Variants in NOD2 observed in about 807,000 individuals in gnomAD.
NOD2 encodes nucleotide binding oligomerization domain containing 2.
In NOD2, 86 loss-of-function variants were observed where a neutral mutation model predicts 90.9. That is an observed-to-expected ratio of 0.95 (90% CI 0.79 to 1.13). The LOEUF (loss-of-function observed/expected upper bound fraction) is 1.13, where lower values mean the gene tolerates loss of function less well. NOD2 is among the 50% of genes most tolerant of loss of function. The pLI, the probability that NOD2 is intolerant of heterozygous loss-of-function variation, is 0.00. For missense variants in NOD2, 1,238 were observed against 1,283.8 expected (o/e 0.96, Z 0.55); for synonymous variants, 581 against 554.6 (o/e 1.05, Z -0.67).
chr16:50,730,060 TC>T, intron 11 of NOD2, 159 bp downstream of exon 11: 1 of 628,924 alleles, frequency 1.6e-6, no homozygotes, highest in Non-Finnish European at 2.9e-6. Context: ...TGATTCTCTG[TC>T]TAAGAAAGAA....
At chr16:50,721,366 G>GT (rs34103974) in intron 7 of NOD2, among the ~76,000 whole-genome samples, 85 of 143,236 alleles carry the variant, frequency 5.9e-4, no homozygotes, top group Middle Eastern at 3.7e-3. Context: ...AACTTGCTTG[G>GT]TTTTTTTTTT....
intron 1 of NOD2, among the ~76,000 whole-genome samples, chr16:50,696,827 G>C (rs893177067): frequency 2.0e-5 from 3 of 152,240 alleles, no homozygotes; most frequent in African/African-American, 7.2e-5. Flanking sequence ...TCCGAGTCAC[G>C]TGGCTTGGGC....
intron 4 of NOD2, 93 bp downstream of exon 4, chr16:50,712,466 C>A: frequency 1.3e-6 from 2 of 1,539,066 alleles, no homozygotes; most frequent in South Asian, 1.1e-5. Context: ...AGTCTGGGCC[C>A]AGCTTCGCCT....
chr16:50,693,629 G>A lies in NOD2; in HGVS notation c.-42G>A, dbSNP rs1963509438. 2 of 152,796 alleles carry A rather than the reference G, an allele frequency of 1.3e-5. No homozygotes were observed. The highest frequency in any genetic ancestry group is 2.9e-5 in the Non-Finnish European group (2 of 68,156). The allele number at this position is 152,796 out of a possible 1,614,324, so 9.5% of individuals were successfully genotyped here. A position where few individuals can be genotyped will look rare whatever the true frequency, so the allele number is the denominator to read the frequency against. ...CCGGAGCCGGGAGTCGTGGCCCGGA[G>A]TGGGCCTTGGAGTCGGCGCGCAGGC... On this transcript the variant is annotated 5_prime_UTR_variant, in exon 1 of 12. The change creates a new upstream start codon in the 5' untranslated region. Coordinates refer to ENST00000647318, the MANE Select transcript of NOD2 (RefSeq NM_001370466.1).
chr16:50,712,498 C>G, intron 4 of NOD2, 125 bp downstream of exon 4: 2 of 1,156,714 alleles, frequency 1.7e-6, no homozygotes, highest in South Asian at 2.5e-5. Context: ...CTTTGCAACA[C>G]TGCCCAGATC....
rs1964487483 is a variant in NOD2 at position 50,711,360 on chromosome 16, C to T, written c.1368C>T (p.Cys456=). 4 of 1,613,636 alleles carry T rather than the reference C, an allele frequency of 2.5e-6. No homozygotes were observed. Among genetic ancestry groups the T allele is most frequent in the Non-Finnish European group, 2.5e-6 (3 of 1,180,038 alleles). ...LQETSALHGL[C]HLPVFSWMVS... ...AGACCTCAGCCCTGCACGGTTTGTG[C>T]CACCTGCCTGTCTTCTCATGGATGG... The change falls in exon 4 of 12, where the codon TGC becomes TGT. Residue 456 remains cysteine (C), a synonymous_variant. Coordinates refer to ENST00000647318, the MANE Select transcript of NOD2 (RefSeq NM_001370466.1).
chr16:50,707,673 C>T (rs564015087), intron 2 of NOD2, among the ~76,000 whole-genome samples, 182 bp from the exon 3 acceptor site: 3 of 152,186 alleles, frequency 2.0e-5, no homozygotes, highest in South Asian at 4.1e-4. Flanking sequence ...TGGATGCATG[C>T]GTTCAATTCA....
At chr16:50,721,093 C>A (rs1965035593) in intron 7 of NOD2, among the ~76,000 whole-genome samples, 1 of 150,292 alleles carries the variant, frequency 6.7e-6, no homozygotes, top group African/African-American at 2.5e-5. Flanking sequence ...GTGTGAGCCA[C>A]CGCACCCGGC....
In NOD2 at chr16:50,729,628, C is replaced by T. The variant is rs150515706; in HGVS notation, c.2886-190C>T. ...ACTCATCTAGTGAATGGAAGAGAGA[C>T]GGTTACATTTCACTGATGGTACTGA... On this transcript the variant is annotated intron_variant, in intron 10 of 11. Coordinates refer to ENST00000647318, the MANE Select transcript of NOD2 (RefSeq NM_001370466.1). 2.5e-3 allele frequency among the ~76,000 whole-genome samples: 388 copies of T among 152,240 alleles called. 5 individuals are homozygous for T. Among genetic ancestry groups the T allele is most frequent in the African/African-American group, 8.7e-3 (362 of 41,524 alleles).
Position 50,712,082 on chromosome 16 carries a change from C to T in NOD2, c.2090C>T (p.Pro697Leu), listed in dbSNP as rs1964552354. ...CGCAAGCACTTCCACTCCATCCCGC[C>T]AGCTGCACCGGGTGAGGCCAAGAGC... is the stretch of plus-strand genomic sequence containing the variant. The part of the protein sequence containing the change: ...SLRKHFHSIP[P>L]AAPGEAKSVH... The change falls in exon 4 of 12, where the codon CCA becomes CTA. Residue 697 changes from proline to leucine, a missense_variant. Physicochemically the swap from Pro to Leu is moderately conservative, Grantham distance 98 (BLOSUM62 -3). Around this residue, in one of 3 missense-constraint regions of NOD2, gnomAD observed 667 missense variants for 688.7 expected, o/e 0.97. Coordinates refer to ENST00000647318, the MANE Select transcript of NOD2 (RefSeq NM_001370466.1). 1.2e-6 allele frequency: 2 copies of T among 1,613,786 alleles called. No individual in the cohort carries two copies. The highest frequency in any genetic ancestry group is 1.7e-6 in the Non-Finnish European group (2 of 1,179,982).
intron 10 of NOD2, among the ~76,000 whole-genome samples, chr16:50,728,839 A>G (rs1437613011): frequency 2.0e-5 from 3 of 152,088 alleles, no homozygotes; most frequent in Non-Finnish European, 4.4e-5. Context: ...GCTACCTCAT[A>G]TGTTCTCTAA....
At position 50,711,601 on chromosome 16, in the gene NOD2, G is replaced by A. The variant is rs760678831; in HGVS notation, c.1609G>A (p.Val537Met). The change falls in exon 4 of 12, where the codon GTG becomes ATG. Residue 537 changes from valine to methionine, a missense_variant. Coordinates refer to ENST00000647318, the MANE Select transcript of NOD2 (RefSeq NM_001370466.1). ...ALWGLGMCCY[V>M]FSAQQLQAAQ... ...GTGGGGCCTGGGCATGTGCTGCTACGTGTTCTCAGCCCAGCAGCTCCAGGC... is the reference window on the plus strand; with the variant it reads ...GTGGGGCCTGGGCATGTGCTGCTACATGTTCTCAGCCCAGCAGCTCCAGGC... 5.6e-6 allele frequency: 9 copies of A among 1,611,366 alleles called. No homozygotes were observed. Among genetic ancestry groups the A allele is most frequent in the African/African-American group, 4.0e-5 (3 of 74,944 alleles).
At chr16:50,721,224 C>G (rs1965041584) in intron 7 of NOD2, among the ~76,000 whole-genome samples, 1 of 151,830 alleles carries the variant, frequency 6.6e-6, no homozygotes, top group African/African-American at 2.4e-5. Flanking sequence ...ACTGAACTCT[C>G]TTCTGCTTGA....
chr16:50,716,898 A>G lies in NOD2; in HGVS notation c.2473A>G (p.Asn825Asp). Residue 825 changes from asparagine to aspartate, a missense_variant, in exon 6 of 12, where the codon AAC becomes GAC. Asn to Asp is a conservative substitution (Grantham distance 23, BLOSUM62 1). Coordinates refer to ENST00000647318, the MANE Select transcript of NOD2 (RefSeq NM_001370466.1). ...CEQLQKLALF[N>D]NKLTDGCAHS... ...TCTTCTGGAACTGAACAGTCTATTC[A>G]ACAACAAATTGACTGACGGCTGTGC... is the stretch of plus-strand genomic sequence containing the variant. The G allele has an allele frequency of 1.2e-6, 2 of 1,614,052 alleles. No individual in the cohort carries two copies. The highest frequency in any genetic ancestry group is 1.7e-6 in the Non-Finnish European group (2 of 1,179,884).
chr16:50,695,397 A>G (rs1015520489), intron 1 of NOD2, among the ~76,000 whole-genome samples: 4 of 152,230 alleles, frequency 2.6e-5, no homozygotes, highest in Admixed American at 2.0e-4. Flanking sequence ...TGAAGCTGCC[A>G]TGAACTGAAA....
At chr16:50,723,425 A>G in intron 9 of NOD2, 41 bp downstream of exon 9, 1 of 1,553,770 alleles carries the variant, frequency 6.4e-7, no homozygotes, top group Admixed American at 1.7e-5. Context: ...AGTGGATCAC[A>G]ATCTCTGTTG....
intron 4 of NOD2, 165 bp downstream of exon 4, chr16:50,712,538 G>A: frequency 1.2e-6 from 1 of 819,296 alleles, no homozygotes; most frequent in South Asian, 1.6e-5. Context: ...ATTTCAATAT[G>A]TGATGATGAC....
At chr16:50,712,415 C>A (rs899041073) in intron 4 of NOD2, 42 bp downstream of exon 4, 55 of 1,609,584 alleles carry the variant, frequency 3.4e-5, no homozygotes, top group Non-Finnish European at 4.5e-5. Flanking sequence ...TGGGGGAGCA[C>A]CATCAAGGCT....
At chr16:50,720,109 GC>G in intron 7 of NOD2, 101 bp downstream of exon 7, 2 of 1,067,778 alleles carry the variant, frequency 1.9e-6, no homozygotes, top group Non-Finnish European at 2.8e-6. Context: ...CCCAGAGGCA[GC>G]CCAGCTCCAG....
Sources: allele counts gnomAD v4.1 joint callset (sites outside exome capture counted in the v4.1 genomes callset), GRCh38; gene constraint gnomAD v4.1.1; regional missense constraint gnomAD v4.1.1; transcripts MANE v1.5; gene names NCBI Gene and HGNC (gene_info 2026-07-23, HGNC 2026-07-21).